The following SPAG16 variants were observed in gnomAD, a reference collection of about 807,000 sequenced individuals.
SPAG16 encodes sperm-associated antigen 16 protein.
In SPAG16, 86 loss-of-function variants were observed where a neutral mutation model predicts 80.4. The observed-to-expected ratio is 1.07, with a 90% CI of 0.90 to 1.28. The LOEUF (loss-of-function observed/expected upper bound fraction) is 1.28, where lower values mean the gene tolerates loss of function less well. SPAG16 is among the 50% of genes most tolerant of loss of function. SPAG16 has a pLI of 0.00. For missense variants in SPAG16, 870 were observed against 765.3 expected (o/e 1.14, Z -1.61); for synonymous variants, 294 against 265.9 (o/e 1.11, Z -1.03).
chr2:214,137,808 G>T (rs2055142090), intron 14 of SPAG16, among the ~76,000 whole-genome samples: 1 of 10,280 alleles, frequency 9.7e-5, no homozygotes, highest in African/African-American at 1.3e-4. Flanking sequence ...CATATGTCAT[G>T]GCAAAAACTG....
chr2:214,016,661 GATGAA>G (rs899530078), intron 13 of SPAG16, among the ~76,000 whole-genome samples: 3 of 152,176 alleles, frequency 2.0e-5, no homozygotes, highest in Non-Finnish European at 2.9e-5. Context: ...AGATCGGGGA[GATGAA>G]ATGAAAATGT....
At chr2:213,826,827 A>G (rs1437866691) in intron 10 of SPAG16, among the ~76,000 whole-genome samples, 1 of 152,012 alleles carries the variant, frequency 6.6e-6, no homozygotes, top group East Asian at 1.9e-4. Flanking sequence ...CTAGTGCTCA[A>G]AGTGAGGCAT....
At chr2:213,957,292 G>A (rs1455870016) in intron 12 of SPAG16, among the ~76,000 whole-genome samples, 1 of 151,972 alleles carries the variant, frequency 6.6e-6, no homozygotes, top group African/African-American at 2.4e-5. Flanking sequence ...ACCATTGATG[G>A]TCTGTTATTC....
intron 10 of SPAG16, among the ~76,000 whole-genome samples, chr2:213,825,262 T>C (rs1412741718): frequency 6.6e-6 from 1 of 152,164 alleles, no homozygotes; most frequent in African/African-American, 2.4e-5. Context: ...CAGCACTATG[T>C]TGAATAACAG....
At chr2:213,495,895 C>G (rs2074459320) in intron 10 of SPAG16, among the ~76,000 whole-genome samples, 1 of 151,938 alleles carries the variant, frequency 6.6e-6, no homozygotes, top group African/African-American at 2.4e-5. Flanking sequence ...AATAAGTGAC[C>G]CTGGAGAATA....
intron 10 of SPAG16, among the ~76,000 whole-genome samples, chr2:213,513,703 A>G (rs927130799): frequency 1.3e-5 from 2 of 152,226 alleles, no homozygotes; most frequent in Non-Finnish European, 2.9e-5. Flanking sequence ...GTTAAAGCAC[A>G]TAGCGGAATC....
intron 13 of SPAG16, among the ~76,000 whole-genome samples, chr2:214,057,669 G>A (rs189292558): frequency 2.0e-5 from 3 of 152,070 alleles, no homozygotes; most frequent in Admixed American, 2.0e-4. Flanking sequence ...GCCAGACATC[G>A]ACTTCTCCTC....
At chr2:214,201,733 T>G (rs891641639) in intron 15 of SPAG16, among the ~76,000 whole-genome samples, 1 of 152,346 alleles carries the variant, frequency 6.6e-6, no homozygotes, top group Non-Finnish European at 1.5e-5. Context: ...TATGATATTC[T>G]CTGGAAATAA....
chr2:213,697,446 A>T (rs778292302), intron 10 of SPAG16, among the ~76,000 whole-genome samples: 1 of 152,194 alleles, frequency 6.6e-6, no homozygotes, highest in African/African-American at 2.4e-5. Context: ...AGATATTCAG[A>T]TTCCAATCTC....
At chr2:213,293,680 A>G (rs1415548698) in intron 1 of SPAG16, among the ~76,000 whole-genome samples, 3 of 152,164 alleles carry the variant, frequency 2.0e-5, no homozygotes, top group Non-Finnish European at 4.4e-5. Flanking sequence ...TATTTTGACT[A>G]TGACATGAGA....
chr2:214,199,800 T>C (rs928102234), intron 15 of SPAG16, among the ~76,000 whole-genome samples: 10 of 152,204 alleles, frequency 6.6e-5, no homozygotes, highest in African/African-American at 1.9e-4. Flanking sequence ...TAATTTTCCT[T>C]GTACAGATCT....
At position 213,292,769 on chromosome 2, in the gene SPAG16, A is replaced by G. The variant is rs540432986; in HGVS notation, c.137-3295A>G. ...GTCTTTTATTTATTCATTTTAACAT[A>G]TGGGGGAACAGAGGCATGAGAAATT... On this transcript the variant is annotated intron_variant, in intron 1 of 15. Coordinates refer to ENST00000331683, the MANE Select transcript of SPAG16 (RefSeq NM_024532.5). Among the ~76,000 whole-genome samples the G allele has an allele frequency of 1.8e-4, 28 of 152,152 alleles. No homozygotes were observed. In the South Asian group the frequency reaches 5.4e-3, roughly 29 times the overall value.
At chr2:214,099,301 C>A (rs1050765376) in intron 13 of SPAG16, among the ~76,000 whole-genome samples, 1 of 152,054 alleles carries the variant, frequency 6.6e-6, no homozygotes, top group Non-Finnish European at 1.5e-5. Flanking sequence ...CTATAAATAA[C>A]AATATCCCTT....
In SPAG16 at chr2:213,323,419, C is replaced by T. The variant is rs896612585; in HGVS notation, c.536+6063C>T. On this transcript the variant is annotated intron_variant, in intron 5 of 15. Transcript: ENST00000331683. ...TCATGCCACTGCACTCCAGCCTAGG[C>T]GACAGAGCAAGACTCCGTCTCAAAA... is the stretch of plus-strand genomic sequence containing the variant. Among the ~76,000 whole-genome samples, 9 of 148,018 alleles carry T rather than the reference C, an allele frequency of 6.1e-5. No individual in the cohort carries two copies. The South Asian group carries it at 9.0e-4, about 15-fold the overall frequency.
At chr2:214,257,448 T>C (rs529254857) in intron 15 of SPAG16, among the ~76,000 whole-genome samples, 2 of 152,070 alleles carry the variant, frequency 1.3e-5, no homozygotes, top group Non-Finnish European at 2.9e-5. Context: ...TCTTGCTTTG[T>C]TCCCCATTAT....
intron 3 of SPAG16, among the ~76,000 whole-genome samples, chr2:213,297,733 C>A (rs916129547): frequency 8.5e-5 from 13 of 152,150 alleles, no homozygotes; most frequent in Admixed American, 8.5e-4. Context: ...AAGTATTAAT[C>A]TTACAGGGAA....
chr2:213,358,451 C>A (rs561547205), intron 7 of SPAG16, among the ~76,000 whole-genome samples: 1 of 152,124 alleles, frequency 6.6e-6, no homozygotes. Flanking sequence ...AGGCTTTGTT[C>A]ATTTCTTTTT....
intron 10 of SPAG16, among the ~76,000 whole-genome samples, chr2:213,510,306 T>C (rs899502987): frequency 6.6e-6 from 1 of 152,188 alleles, no homozygotes; most frequent in Non-Finnish European, 1.5e-5. Context: ...TTGGTATGAT[T>C]TTAATATAAG....
At chr2:213,653,666 C>T (rs1220537681) in intron 10 of SPAG16, among the ~76,000 whole-genome samples, 3 of 152,132 alleles carry the variant, frequency 2.0e-5, no homozygotes, top group Admixed American at 6.6e-5. Context: ...ATATATCCAT[C>T]TCTCAAAATT....
Sources: allele counts gnomAD v4.1 joint callset (sites outside exome capture counted in the v4.1 genomes callset), GRCh38; gene constraint gnomAD v4.1.1; transcripts MANE v1.5; gene names NCBI Gene and HGNC (gene_info 2026-07-23, HGNC 2026-07-21).